LHFPL3: variants seen among roughly 807,000 people sequenced by gnomAD.
The protein encoded by LHFPL3 is LHFPL tetraspan subfamily member 3.
LHFPL3 carries 5 observed loss-of-function variants against 19.3 expected under a neutral mutation model. The observed-to-expected ratio is 0.26, with a 90% CI of 0.14 to 0.54. The LOEUF is 0.54. LHFPL3 is among the 20% of genes least tolerant of loss of function. LHFPL3 has a pLI of 0.94. For missense variants in LHFPL3, 249 were observed against 307.4 expected, an observed-to-expected ratio of 0.81 and a Z score of 1.42; for synonymous variants, 133 against 126.2, an observed-to-expected ratio of 1.05 and a Z score of -0.36.
At chr7:104,521,174 C>T (rs1794051020) in intron 1 of LHFPL3, among the ~76,000 whole-genome samples, 2 of 152,088 alleles carry the variant, frequency 1.3e-5, no homozygotes, top group Admixed American at 6.6e-5. Flanking sequence ...TTTCAAAGAA[C>T]ATCTTTATTT....
intron 1 of LHFPL3, among the ~76,000 whole-genome samples, chr7:104,660,567 A>G (rs1792207778): frequency 6.6e-6 from 1 of 152,202 alleles, no homozygotes; most frequent in Admixed American, 6.5e-5. Context: ...TGGGTGTCAG[A>G]GAGAGTTAGA....
chr7:104,411,106 A>G (rs188608435), intron 1 of LHFPL3, among the ~76,000 whole-genome samples: 1 of 152,338 alleles, frequency 6.6e-6, no homozygotes. Flanking sequence ...ATTTTAATTA[A>G]AAGATAATAT....
chr7:104,447,489 G>A (rs1308559323), intron 1 of LHFPL3, among the ~76,000 whole-genome samples: 1 of 152,082 alleles, frequency 6.6e-6, no homozygotes, highest in Non-Finnish European at 1.5e-5. Flanking sequence ...CATGTAATTG[G>A]TGATACAAGT....
chr7:104,789,080 C>T (rs796531387), intron 2 of LHFPL3, among the ~76,000 whole-genome samples: 4 of 152,240 alleles, frequency 2.6e-5, no homozygotes, highest in African/African-American at 9.6e-5. Context: ...CTCCAAAACA[C>T]ACAATACAGC....
intron 1 of LHFPL3, among the ~76,000 whole-genome samples, chr7:104,523,020 A>C (rs1158779187): frequency 1.3e-5 from 2 of 152,058 alleles, no homozygotes; most frequent in Non-Finnish European, 2.9e-5. Context: ...ATATGCACAT[A>C]TATACATATA....
At chr7:104,416,891 A>G (rs1355044944) in intron 1 of LHFPL3, among the ~76,000 whole-genome samples, 1 of 152,224 alleles carries the variant, frequency 6.6e-6, no homozygotes. Context: ...GGTGGAAGGC[A>G]GAAAGGCAAG....
At chr7:104,356,903 C>G (rs901001186) in intron 1 of LHFPL3, among the ~76,000 whole-genome samples, 1 of 152,150 alleles carries the variant, frequency 6.6e-6, no homozygotes, top group Non-Finnish European at 1.5e-5. Context: ...AGGTGAGCAG[C>G]GGGCTAGCGA....
intron 2 of LHFPL3, among the ~76,000 whole-genome samples, chr7:104,758,290 C>A (rs1313226583): frequency 1.3e-5 from 2 of 152,104 alleles, no homozygotes; most frequent in Non-Finnish European, 2.9e-5. Flanking sequence ...ATTTGTTCCC[C>A]AAACCTCAGT....
intron 1 of LHFPL3, among the ~76,000 whole-genome samples, chr7:104,651,188 A>C (rs759091804): frequency 6.6e-6 from 1 of 152,188 alleles, no homozygotes; most frequent in Non-Finnish European, 1.5e-5. Flanking sequence ...AATGAACCAC[A>C]CTGAGAAGCA....
chr7:104,754,934 T>C (rs1014963287), intron 2 of LHFPL3, among the ~76,000 whole-genome samples: 10 of 152,102 alleles, frequency 6.6e-5, no homozygotes, highest in Non-Finnish European at 1.5e-4. Flanking sequence ...CACCAGGTGC[T>C]AGGGGGCAGA....
chr7:104,729,469 T>G (rs1584500847), intron 1 of LHFPL3, among the ~76,000 whole-genome samples: 2 of 152,274 alleles, frequency 1.3e-5, no homozygotes, highest in East Asian at 3.9e-4. Context: ...CCAGAAATAA[T>G]TCCTCCTATC....
intron 1 of LHFPL3, among the ~76,000 whole-genome samples, chr7:104,435,675 C>A (rs1792090480): frequency 6.6e-6 from 1 of 151,434 alleles, no homozygotes; most frequent in Admixed American, 6.6e-5. Context: ...AATTGATGGC[C>A]CCTTGCTTGG....
At chr7:104,565,745 A>G (rs1353805500) in intron 1 of LHFPL3, among the ~76,000 whole-genome samples, 6 of 150,236 alleles carry the variant, frequency 4.0e-5, no homozygotes, top group African/African-American at 7.4e-5. Flanking sequence ...CTATCTATCT[A>G]TCTATCTATC....
intron 1 of LHFPL3, among the ~76,000 whole-genome samples, chr7:104,416,924 G>A (rs1166828660): frequency 3.3e-5 from 5 of 152,138 alleles, no homozygotes; most frequent in African/African-American, 1.2e-4. Flanking sequence ...AGCAGGAGGA[G>A]GCCAAACTCA....
At chr7:104,361,111 G>A (rs992657756) in intron 1 of LHFPL3, among the ~76,000 whole-genome samples, 1 of 152,164 alleles carries the variant, frequency 6.6e-6, no homozygotes, top group Non-Finnish European at 1.5e-5. Context: ...GGCTGTTTTC[G>A]CATTACAAGG....
At chr7:104,526,850 A>G (rs945816448) in intron 1 of LHFPL3, among the ~76,000 whole-genome samples, 6 of 152,212 alleles carry the variant, frequency 3.9e-5, no homozygotes, top group African/African-American at 1.2e-4. Context: ...CCCTATTCCA[A>G]TAATGAAGAA....
intron 1 of LHFPL3, among the ~76,000 whole-genome samples, chr7:104,487,787 T>C (rs1309806544): frequency 1.3e-5 from 2 of 152,234 alleles, no homozygotes; most frequent in Non-Finnish European, 2.9e-5. Flanking sequence ...TTTTATGGTC[T>C]TCCTTCACTC....
intron 1 of LHFPL3, among the ~76,000 whole-genome samples, chr7:104,485,862 A>C (rs1793225585): frequency 7.2e-5 from 11 of 152,144 alleles, no homozygotes; most frequent in Admixed American, 7.2e-4. Flanking sequence ...ACTGTGAGTG[A>C]GAACATGAGG....
intron 2 of LHFPL3, among the ~76,000 whole-genome samples, chr7:104,753,050 C>G (rs1421804117): frequency 6.6e-6 from 1 of 152,152 alleles, no homozygotes; most frequent in African/African-American, 2.4e-5. Context: ...TTTTAACAAG[C>G]ACATTTAAGT....
Sources: gnomAD v4.1 joint callset for allele counts (sites outside exome capture counted in the v4.1 genomes callset) on GRCh38, gnomAD v4.1.1 for gene constraint, MANE v1.5 for transcripts, NCBI Gene and HGNC (gene_info 2026-07-23, HGNC 2026-07-21) for gene names.